Variants in MAPK4 observed in about 807,000 individuals in gnomAD.
MAPK4 encodes Erk3-related.
MAPK4 carries 22 observed loss-of-function variants against 47.7 expected under a neutral mutation model. The ratio of observed to expected loss-of-function variants is 0.46; its 90% CI spans 0.33 to 0.66. The LOEUF is 0.66. Among genes scored for constraint, MAPK4 ranks in the 30% least tolerant of loss-of-function variants. The probability of loss-of-function intolerance (pLI) is 0.02; values close to 1 mark genes in which losing one functional copy is unlikely to be tolerated. For synonymous variants in MAPK4, 390 were observed against 365.7 expected (o/e 1.07, Z -0.76); for missense variants, 736 against 831.7 (o/e 0.88, Z 1.42).
At chr18:50,582,602 C>T (rs970833452) in intron 1 of MAPK4, among the ~76,000 whole-genome samples, 5 of 152,250 alleles carry the variant, frequency 3.3e-5, no homozygotes, top group South Asian at 2.1e-4. Flanking sequence ...GGTGCTGCTT[C>T]ACCAGCCAGA....
intron 2 of MAPK4, among the ~76,000 whole-genome samples, chr18:50,708,395 G>C (rs1479545817): frequency 6.6e-6 from 1 of 152,132 alleles, no homozygotes; most frequent in Non-Finnish European, 1.5e-5. Flanking sequence ...TGAGAAATCT[G>C]CCTGGCCTGT....
chr18:50,674,866 T>C (rs1471459102), intron 2 of MAPK4, among the ~76,000 whole-genome samples: 1 of 152,234 alleles, frequency 6.6e-6, no homozygotes, highest in Non-Finnish European at 1.5e-5. Context: ...TCAATGCTAA[T>C]TGGCTAATGA....
intron 2 of MAPK4, among the ~76,000 whole-genome samples, chr18:50,679,886 G>T (rs575351571): frequency 1.3e-5 from 2 of 151,926 alleles, no homozygotes; most frequent in East Asian, 3.9e-4. Flanking sequence ...GCCTCTCCCC[G>T]TGCTCTTACG....
At chr18:50,566,591 T>C (rs904629030) in intron 1 of MAPK4, among the ~76,000 whole-genome samples, 1 of 152,228 alleles carries the variant, frequency 6.6e-6, no homozygotes, top group African/African-American at 2.4e-5. Context: ...CCAGGGCACC[T>C]GATCCTCAAA....
At chr18:50,591,580 ATTTG>A (rs1322066294) in intron 1 of MAPK4, among the ~76,000 whole-genome samples, 2 of 150,432 alleles carry the variant, frequency 1.3e-5, no homozygotes, top group Non-Finnish European at 3.0e-5. Context: ...CAAGCCTTAT[ATTTG>A]TTTAGTGCAT....
At chr18:50,681,334 T>A (rs911325046) in intron 2 of MAPK4, among the ~76,000 whole-genome samples, 4 of 152,226 alleles carry the variant, frequency 2.6e-5, no homozygotes, top group Non-Finnish European at 4.4e-5. Flanking sequence ...GCAAAAAAAA[T>A]TTCAACCCAA....
chr18:50,705,701 G>A (rs1029551409), intron 2 of MAPK4: 1 of 152,120 alleles, frequency 6.6e-6, no homozygotes, highest in Non-Finnish European at 1.5e-5. Flanking sequence ...GAGGCCTGGG[G>A]CTCAGAGACC....
At chr18:50,657,252 A>G (rs2043119480) in intron 1 of MAPK4, among the ~76,000 whole-genome samples, 3 of 152,198 alleles carry the variant, frequency 2.0e-5, no homozygotes, top group Admixed American at 1.3e-4. Context: ...AGGGAATTGT[A>G]TTACCACAGT....
At chr18:50,588,381 T>G (rs1217064056) in intron 1 of MAPK4, among the ~76,000 whole-genome samples, 1 of 152,144 alleles carries the variant, frequency 6.6e-6, no homozygotes, top group Non-Finnish European at 1.5e-5. Flanking sequence ...TCTGGGTAGT[T>G]GGACATCTTT....
chr18:50,568,188 G>A (rs1420817430), intron 1 of MAPK4, among the ~76,000 whole-genome samples: 6 of 146,550 alleles, frequency 4.1e-5, no homozygotes, highest in Middle Eastern at 3.5e-3. Flanking sequence ...AGAGCCAGAC[G>A]CTGTCCCAAA....
intron 1 of MAPK4, among the ~76,000 whole-genome samples, chr18:50,615,200 T>C (rs2042673721): frequency 6.6e-6 from 1 of 151,930 alleles, no homozygotes; most frequent in South Asian, 2.1e-4. Flanking sequence ...CATAATTGTG[T>C]TGGGGGGGGA....
At chr18:50,589,195 A>G (rs1258874700) in intron 1 of MAPK4, among the ~76,000 whole-genome samples, 4 of 152,300 alleles carry the variant, frequency 2.6e-5, no homozygotes, top group South Asian at 2.1e-4. Context: ...AGCTTCAATA[A>G]TCATGGCCCT....
intron 1 of MAPK4, among the ~76,000 whole-genome samples, chr18:50,601,578 G>T (rs1023139539): frequency 1.3e-5 from 2 of 152,072 alleles, no homozygotes; most frequent in Admixed American, 1.3e-4. Flanking sequence ...GTTGTCCACT[G>T]AGCTGTGTCT....
chr18:50,596,850 G>A (rs374213941), intron 1 of MAPK4, among the ~76,000 whole-genome samples: 3 of 152,186 alleles, frequency 2.0e-5, no homozygotes, highest in African/African-American at 4.8e-5. Context: ...CTCAGCCCAC[G>A]TTAATGGAAG....
intron 1 of MAPK4, among the ~76,000 whole-genome samples, chr18:50,661,971 A>T (rs1370909689): frequency 6.6e-6 from 1 of 152,262 alleles, no homozygotes; most frequent in African/African-American, 2.4e-5. Flanking sequence ...TTCCTTCATT[A>T]GAAGTCTTTA....
intron 1 of MAPK4, among the ~76,000 whole-genome samples, chr18:50,640,686 G>A (rs1288145632): frequency 1.3e-5 from 2 of 152,094 alleles, no homozygotes; most frequent in African/African-American, 2.4e-5. Flanking sequence ...GGCTGGTCTC[G>A]AACTCCTGAC....
At chr18:50,703,428 C>T (rs569455027) in intron 2 of MAPK4, among the ~76,000 whole-genome samples, 197 of 152,352 alleles carry the variant, frequency 1.3e-3, no homozygotes, top group African/African-American at 4.4e-3. Context: ...CCTTCAGCAT[C>T]TTCTGTCTGC....
At chr18:50,634,321 T>TG (rs1555649780) in intron 1 of MAPK4, among the ~76,000 whole-genome samples, 3 of 150,976 alleles carry the variant, frequency 2.0e-5, no homozygotes, top group African/African-American at 7.3e-5. Context: ...TTTTCTTTTT[T>TG]TTTTTTCCTT....
At chr18:50,710,931 C>T (rs1184776345) in intron 2 of MAPK4, among the ~76,000 whole-genome samples, 2 of 152,192 alleles carry the variant, frequency 1.3e-5, no homozygotes, top group Non-Finnish European at 2.9e-5. Flanking sequence ...CTCCCACACG[C>T]AAGAGATCAG....
Sources: gnomAD v4.1 joint callset for allele counts (sites outside exome capture counted in the v4.1 genomes callset) on GRCh38, gnomAD v4.1.1 for gene constraint, MANE v1.5 for transcripts, NCBI Gene and HGNC (gene_info 2026-07-23, HGNC 2026-07-21) for gene names.